Variants in ALG6 observed in about 807,000 individuals in gnomAD.
ALG6 encodes the protein ALG6 alpha-1,3-glucosyltransferase.
A neutral mutation model predicts 66.6 loss-of-function variants in ALG6; 46 were observed. The observed-to-expected ratio is 0.69, with a 90% CI of 0.55 to 0.88. The LOEUF (loss-of-function observed/expected upper bound fraction) is 0.88. Among genes scored for constraint, ALG6 ranks in the 40% least tolerant of loss-of-function variants. The pLI, the probability that ALG6 is intolerant of heterozygous loss-of-function variation, is 0.00. For missense variants in ALG6, 505 were observed against 586.8 expected, an observed-to-expected ratio of 0.86 and a Z score of 1.44; for synonymous variants, 185 against 203.7, an observed-to-expected ratio of 0.91 and a Z score of 0.78.
chr1:63,403,014 G>A (rs535161759), intron 4 of ALG6, among the ~76,000 whole-genome samples: 84 of 137,412 alleles, frequency 6.1e-4, no homozygotes, highest in African/African-American at 2.2e-3. Flanking sequence ...AGAATCGCTT[G>A]AACCCAGGAG....
chr1:63,413,151 T>C (rs1358251607), intron 9 of ALG6, among the ~76,000 whole-genome samples: 3 of 152,162 alleles, frequency 2.0e-5, no homozygotes, highest in Non-Finnish European at 2.9e-5. Flanking sequence ...CTTTACAGAT[T>C]AGAAAACTGA....
At chr1:63,371,098 T>G in intron 2 of ALG6, 39 bp downstream of exon 2, 1 of 1,390,276 alleles carries the variant, frequency 7.2e-7, no homozygotes, top group South Asian at 1.2e-5. Flanking sequence ...AACGAAATTT[T>G]CCTTTGAATA....
chr1:63,376,942 A>G (rs1455822201), intron 2 of ALG6, among the ~76,000 whole-genome samples: 1 of 151,954 alleles, frequency 6.6e-6, no homozygotes, highest in Admixed American at 6.6e-5. Context: ...TATATTTTGT[A>G]TCTATATTAC....
intron 12 of ALG6, among the ~76,000 whole-genome samples, chr1:63,427,167 ATTTTTT>A (rs534868219): frequency 7.4e-6 from 1 of 134,294 alleles, no homozygotes; most frequent in Non-Finnish European, 1.6e-5. Context: ...TGTCCAGCTA[ATTTTTT>A]TTTTTTTTTT....
chr1:63,419,357 T>A lies in ALG6; in HGVS notation c.988-13T>A. Reference sequence around the variant, plus strand: ...AGTTGTTATATCTCATTTCCCCCCCTTTTTTCTTAAAGGTTAGCTGTGCGC... The same window carrying A: ...AGTTGTTATATCTCATTTCCCCCCCATTTTTCTTAAAGGTTAGCTGTGCGC... On this transcript the variant is annotated splice_polypyrimidine_tract_variant and intron_variant, in intron 11 of 14. Coordinates refer to ENST00000263440, the MANE Select transcript of ALG6 (RefSeq NM_013339.4). The A allele has an allele frequency of 6.3e-7, 1 of 1,599,936 alleles. No homozygotes were observed. The highest frequency in any genetic ancestry group is 8.6e-7 in the Non-Finnish European group (1 of 1,169,430).
chr1:63,414,551 A>G (rs1644532682), intron 10 of ALG6, among the ~76,000 whole-genome samples: 1 of 152,144 alleles, frequency 6.6e-6, no homozygotes, highest in Non-Finnish European at 1.5e-5. Flanking sequence ...CACCCAGCCG[A>G]GGTGTTTTTC....
At chr1:63,410,676 A>G (rs1644511456) in intron 7 of ALG6, among the ~76,000 whole-genome samples, 1 of 152,184 alleles carries the variant, frequency 6.6e-6, no homozygotes, top group Non-Finnish European at 1.5e-5. Context: ...ATATTGTTTT[A>G]ATTAACAATG....
At chr1:63,376,534 C>A (rs1648137086) in intron 2 of ALG6, among the ~76,000 whole-genome samples, 1 of 152,112 alleles carries the variant, frequency 6.6e-6, no homozygotes, top group Non-Finnish European at 1.5e-5. Context: ...GAGTACCATC[C>A]CACAAGTAAT....
Position 63,428,971 on chromosome 1 carries a change from G to T in ALG6, c.1171G>T (p.Val391Phe). 6.2e-7 allele frequency: 1 copy of T among 1,613,158 alleles called. No individual in the cohort carries two copies. Among genetic ancestry groups the T allele is most frequent in the Admixed American group, 1.7e-5 (1 of 59,950 alleles). The change falls in exon 14 of 15, where the codon GTT becomes TTT. Residue 391 changes from valine to phenylalanine, a missense_variant. Val to Phe is a conservative substitution (Grantham distance 50, BLOSUM62 -1). Coordinates refer to ENST00000263440, the MANE Select transcript of ALG6 (RefSeq NM_013339.4). ...LLKDELLMPSVVTTMAFFIAC... is the reference protein window; with the variant it reads ...LLKDELLMPSFVTTMAFFIAC... ...GAAGGATGAACTCCTAATGCCCTCT[G>T]TTGTGACAACAATGGCATTTTTTAT...
Position 63,404,168 on chromosome 1 carries a change from A to G in ALG6, c.258-285A>G, listed in dbSNP as rs145045799. Among the ~76,000 whole-genome samples, 518 of 152,312 alleles carry G rather than the reference A, an allele frequency of 3.4e-3. 19 individuals carry two copies. In the East Asian group the frequency reaches 0.088, roughly 26 times the overall value. ...ATAAAGTATGTGTTTGGTAAATGAA[A>G]TGTGACATGCCAGATTGTTTTTACA... On this transcript the variant is annotated intron_variant, in intron 4 of 14. Coordinates refer to ENST00000263440, the MANE Select transcript of ALG6 (RefSeq NM_013339.4).
At chr1:63,403,094 C>CAAAAAAAAA (rs1160526296) in intron 4 of ALG6, among the ~76,000 whole-genome samples, 2 of 65,322 alleles carry the variant, frequency 3.1e-5, no homozygotes, top group African/African-American at 1.1e-4. Context: ...GACTCCATCT[C>CAAAAAAAAA]AAAAAAAAAA....
intron 2 of ALG6, among the ~76,000 whole-genome samples, chr1:63,377,597 G>A (rs1648175522): frequency 6.6e-6 from 1 of 152,136 alleles, no homozygotes; most frequent in African/African-American, 2.4e-5. Context: ...ACTTTAGAAT[G>A]TTTTAATTCT....
At chr1:63,404,741 A>C (rs189052644) in intron 5 of ALG6, among the ~76,000 whole-genome samples, 200 bp downstream of exon 5, 1 of 152,164 alleles carries the variant, frequency 6.6e-6, no homozygotes. Context: ...GTAGAAAGGA[A>C]TAATTCTGGG....
At chr1:63,418,393 A>G (rs6682097) in intron 11 of ALG6, among the ~76,000 whole-genome samples, 54,109 of 150,956 alleles carry the variant, frequency 0.36, 9,947 homozygotes, top group East Asian at 0.48. Context: ...GAAGGAGCCA[A>G]TCACAAGAAG....
intron 2 of ALG6, among the ~76,000 whole-genome samples, chr1:63,373,582 A>G (rs1032278733): frequency 1.3e-5 from 2 of 151,426 alleles, no homozygotes; most frequent in Non-Finnish European, 2.9e-5. Context: ...GCGACAGAGC[A>G]AGACTCTGCC....
At chr1:63,406,019 T>G (rs1644488435) in intron 5 of ALG6, among the ~76,000 whole-genome samples, 1 of 152,242 alleles carries the variant, frequency 6.6e-6, no homozygotes, top group African/African-American at 2.4e-5. Context: ...GAAAAAAATA[T>G]TTCCTTGCTT....
At chr1:63,380,633 G>A (rs532827369) in intron 2 of ALG6, among the ~76,000 whole-genome samples, 1 of 152,176 alleles carries the variant, frequency 6.6e-6, no homozygotes, top group South Asian at 2.1e-4. Flanking sequence ...TCAGAGTATA[G>A]GATAAAATAC....
chr1:63,423,117 G>A (rs1037734511), intron 12 of ALG6, among the ~76,000 whole-genome samples: 1 of 150,346 alleles, frequency 6.7e-6, no homozygotes, highest in Non-Finnish European at 1.5e-5. Flanking sequence ...TCTGCCTCCC[G>A]GGTTCAAGCG....
In ALG6 at chr1:63,411,220, C is replaced by T. The variant is rs765532271; in HGVS notation, c.569C>T (p.Ser190Leu). The T allele has an allele frequency of 6.2e-7, 1 of 1,613,902 alleles. No individual in the cohort carries two copies. Among genetic ancestry groups the T allele is most frequent in the Non-Finnish European group, 8.5e-7 (1 of 1,179,894 alleles). The change falls in exon 8 of 15, where the codon TCA becomes TTA. Residue 190 changes from serine (S) to leucine (L), a missense_variant. By Grantham distance (145) the Ser-to-Leu change is moderately radical. Transcript: ENST00000263440. ...GISCDCDLLG[S>L]LAFCLAINYK... ...TCTTGTGACTGCGACCTCCTAGGGT[C>T]ACTGGCATTTTGCTTAGCTATAAAT...
Sources: allele counts gnomAD v4.1 joint callset (sites outside exome capture counted in the v4.1 genomes callset), GRCh38; gene constraint gnomAD v4.1.1; transcripts MANE v1.5; gene names NCBI Gene and HGNC (gene_info 2026-07-23, HGNC 2026-07-21).